MAP6: variants seen among roughly 807,000 people sequenced by gnomAD.
The protein encoded by MAP6 is microtubule associated protein 6, also known as microtubule-associated protein 6.
In MAP6, 26 loss-of-function variants were observed where a neutral mutation model predicts 42.4. That is an observed-to-expected ratio of 0.61 (90% CI 0.45 to 0.85). The LOEUF is 0.85. Among genes scored for constraint, MAP6 ranks in the 40% least tolerant of loss-of-function variants. The probability of loss-of-function intolerance (pLI) is 0.00; values close to 1 mark genes in which losing one functional copy is unlikely to be tolerated. For synonymous variants in MAP6, 418 were observed against 443.8 expected (o/e 0.94, Z 0.73); for missense variants, 966 against 1,099.0 (o/e 0.88, Z 1.71).
intron 1 of MAP6, among the ~76,000 whole-genome samples, chr11:75,645,457 A>G (rs1943540777): frequency 6.6e-6 from 1 of 152,282 alleles, no homozygotes; most frequent in East Asian, 1.9e-4. Context: ...CAGAATTTCC[A>G]AGCTGAGGAA....
At chr11:75,644,200 A>G (rs979438045) in intron 1 of MAP6, among the ~76,000 whole-genome samples, 3 of 152,128 alleles carry the variant, frequency 2.0e-5, no homozygotes, top group African/African-American at 7.2e-5. Context: ...TGTATAAATC[A>G]CTACCATAAA....
rs75889952 is a variant in MAP6, at chr11:75,626,499, G to A, written c.906-18177C>T. 4.0e-3 allele frequency among the ~76,000 whole-genome samples: 615 copies of A among 152,316 alleles called. 3 individuals are homozygous for A. The highest frequency in any genetic ancestry group is 0.014 in the African/African-American group (596 of 41,554). On this transcript the variant is annotated intron_variant, in intron 1 of 3. Coordinates refer to ENST00000304771, the MANE Select transcript of MAP6 (RefSeq NM_033063.2). ...GACTCAGACCACTTTGGGGCAATAA[G>A]AGGCTGGGATAGGGAGAGACTGGAG...
chr11:75,658,208 G>A (rs1363699583), intron 1 of MAP6, among the ~76,000 whole-genome samples: 1 of 152,140 alleles, frequency 6.6e-6, no homozygotes, highest in Non-Finnish European at 1.5e-5. Flanking sequence ...CATGGTAAAT[G>A]TATGTTTAGC....
intron 1 of MAP6, among the ~76,000 whole-genome samples, chr11:75,642,403 A>C (rs1002473912): frequency 1.6e-4 from 25 of 152,256 alleles, no homozygotes; most frequent in African/African-American, 5.5e-4. Context: ...AAATAGCATA[A>C]AAAATTGAGG....
intron 1 of MAP6, among the ~76,000 whole-genome samples, chr11:75,616,262 T>C (rs1942992271): frequency 6.6e-6 from 1 of 152,350 alleles, no homozygotes; most frequent in African/African-American, 2.4e-5. Context: ...GTATTTATTA[T>C]TTATTATGTG....
chr11:75,612,875 T>C (rs1942925712), intron 1 of MAP6, among the ~76,000 whole-genome samples: 1 of 152,186 alleles, frequency 6.6e-6, no homozygotes, highest in South Asian at 2.1e-4. Context: ...TCCTGGCCCA[T>C]TTACTTTACT....
chr11:75,667,682 C>A lies in MAP6; in HGVS notation c.688G>T (p.Ala230Ser). The change falls in exon 1 of 4, where the codon GCG (alanine) becomes TCG (serine). Residue 230 changes from alanine (A) to serine (S), a missense_variant. Physicochemically the swap from Ala to Ser is moderately conservative, Grantham distance 99. This residue lies in a region of MAP6 where 943 missense variants were observed against 1,049.9 expected (regional missense o/e 0.90). Transcript: ENST00000304771. The surrounding 1 kb of genome is among the most constrained non-coding windows in gnomAD (Gnocchi z 5.6). ...GTGTCGCGCTCGTCCGCCCCGGACG[C>A]CTTTCCGGCCGCCAGGCCACCCGCT... ...GGAGGLAAGK[A>S]SGADERDTRR... The A allele has an allele frequency of 7.8e-7, 1 of 1,274,344 alleles. No individual in the cohort carries two copies. The allele number at this position is 1,274,344 out of a possible 1,614,324, so 78.9% of individuals were successfully genotyped here.
intron 1 of MAP6, among the ~76,000 whole-genome samples, chr11:75,665,278 G>A (rs985704177): frequency 2.0e-5 from 3 of 152,162 alleles, no homozygotes; most frequent in Non-Finnish European, 4.4e-5. Context: ...TGAGGAAAAA[G>A]GCTATATGGA....
At chr11:75,615,551 C>T (rs774844991) in intron 1 of MAP6, among the ~76,000 whole-genome samples, 8 of 152,046 alleles carry the variant, frequency 5.3e-5, no homozygotes, top group Non-Finnish European at 8.8e-5. Flanking sequence ...CCTCCACAGA[C>T]CTTGTTGTCA....
intron 1 of MAP6, among the ~76,000 whole-genome samples, chr11:75,641,460 G>A (rs1943469789): frequency 1.3e-5 from 2 of 151,360 alleles, no homozygotes; most frequent in Non-Finnish European, 2.9e-5. Context: ...TTGTGCACAT[G>A]TACCCTAAAA....
chr11:75,637,710 C>T (rs1460006428), intron 1 of MAP6, among the ~76,000 whole-genome samples: 1 of 151,856 alleles, frequency 6.6e-6, no homozygotes, highest in African/African-American at 2.4e-5. Context: ...ACTTATAAAA[C>T]TCCTTCTGGT....
chr11:75,660,863 AT>A (rs1283357978), intron 1 of MAP6, among the ~76,000 whole-genome samples: 1 of 152,186 alleles, frequency 6.6e-6, no homozygotes. Context: ...AAAGCGAATA[AT>A]AAAAATAAGA....
At chr11:75,653,268 C>A (rs986784687) in intron 1 of MAP6, among the ~76,000 whole-genome samples, 10 of 152,190 alleles carry the variant, frequency 6.6e-5, no homozygotes, top group African/African-American at 2.2e-4. Context: ...GGAAAGCAAG[C>A]TGAATGGACT....
chr11:75,606,153 G>A lies in MAP6; in HGVS notation c.1120-149C>T, dbSNP rs1047006892. 5.7e-5 allele frequency: 52 copies of A among 917,272 alleles called. No homozygotes were observed. The African/African-American group carries it at 8.2e-4, about 14-fold the overall frequency. The allele number at this position is 917,272 out of a possible 1,614,324, so 56.8% of individuals were successfully genotyped here. A position where few individuals can be genotyped will look rare whatever the true frequency, so the allele number is the denominator to read the frequency against. ...GCACAGTGCATAAGGTGTTCCCAAG[G>A]ACATTAGGGCATTCGGCATCTCCCG... On this transcript the variant is annotated intron_variant, in intron 2 of 3. Coordinates refer to ENST00000304771, the MANE Select transcript of MAP6 (RefSeq NM_033063.2).
intron 3 of MAP6, chr11:75,605,033 G>T: frequency 8.1e-6 from 8 of 985,482 alleles, no homozygotes; most frequent in Non-Finnish European, 9.6e-6. Context: ...CAGGTGGTCG[G>T]CCGAGGAGAA....
intron 1 of MAP6, among the ~76,000 whole-genome samples, chr11:75,627,271 A>AAG (rs1346387825): frequency 6.6e-6 from 1 of 152,232 alleles, no homozygotes; most frequent in Non-Finnish European, 1.5e-5. Flanking sequence ...GGGGTCCTGG[A>AAG]AGAGAGATGC....
chr11:75,624,602 T>C (rs1943165391), intron 1 of MAP6, among the ~76,000 whole-genome samples: 1 of 152,196 alleles, frequency 6.6e-6, no homozygotes, highest in African/African-American at 2.4e-5. Flanking sequence ...AGCCTGTGTC[T>C]GCATGAACTA....
intron 1 of MAP6, among the ~76,000 whole-genome samples, chr11:75,637,833 TAGGAAGGAGGGAGGGAAGGA>T (rs1305578243): frequency 4.8e-5 from 4 of 83,600 alleles, no homozygotes; most frequent in Non-Finnish European, 9.3e-5. Flanking sequence ...GGGAGGGAAG[TAGGAAGGAGGGAGGGAAGGA>T]AGGAAGGAGG....
chr11:75,624,499 T>C (rs1835812023), intron 1 of MAP6, among the ~76,000 whole-genome samples: 1 of 152,142 alleles, frequency 6.6e-6, no homozygotes, highest in South Asian at 2.1e-4. Flanking sequence ...TGAAGTGTCA[T>C]GGCCAGTCAG....
Sources: allele counts gnomAD v4.1 joint callset (sites outside exome capture counted in the v4.1 genomes callset), GRCh38; gene constraint gnomAD v4.1.1; regional missense constraint gnomAD v4.1.1; non-coding constraint Gnocchi (gnomAD v3.1); transcripts MANE v1.5; gene names NCBI Gene and HGNC (gene_info 2026-07-23, HGNC 2026-07-21).